The following ANGPT1 variants were observed in gnomAD, a reference collection of about 807,000 sequenced individuals.
ANGPT1 encodes angiopoietin-1.
Under a neutral mutation model 62.2 loss-of-function variants are expected in ANGPT1, and 17 were observed. The ratio of observed to expected loss-of-function variants is 0.27; its 90% confidence interval spans 0.19 to 0.41. ANGPT1 has a LOEUF of 0.41. Ranked by LOEUF, ANGPT1 falls within the 10% of genes least tolerant of loss-of-function variation. ANGPT1 has a pLI of 1.00. For synonymous variants in ANGPT1, 199 were observed against 198.9 expected, an observed-to-expected ratio of 1.00 and a Z score of 0.00; for missense variants, 478 against 594.9, an observed-to-expected ratio of 0.80 and a Z score of 2.04.
intron 1 of ANGPT1, among the ~76,000 whole-genome samples, chr8:107,382,927 G>C (rs1163658552): frequency 6.6e-6 from 1 of 152,186 alleles, no homozygotes; most frequent in African/African-American, 2.4e-5. Flanking sequence ...CAGACAATGA[G>C]TGGTTGGTTA....
intron 2 of ANGPT1, among the ~76,000 whole-genome samples, chr8:107,345,781 G>A (rs2043339): frequency 0.22 from 34,156 of 152,004 alleles, 4,635 homozygotes; most frequent in African/African-American, 0.37. Flanking sequence ...ATGTAGTTCC[G>A]TCCATCTCCC....
chr8:107,440,859 C>A (rs1811456398), intron 1 of ANGPT1, among the ~76,000 whole-genome samples: 1 of 152,066 alleles, frequency 6.6e-6, no homozygotes, highest in Non-Finnish European at 1.5e-5. Context: ...TAAAGTTGAT[C>A]CTGCCATGTC....
rs1326637768 is a variant in ANGPT1, at chr8:107,250,217, C to T, written c.*1638G>A. 6.6e-6 allele frequency: 1 copy of T among 152,100 alleles called. No individual in the cohort carries two copies. Among genetic ancestry groups the T allele is most frequent in the Non-Finnish European group, 1.5e-5 (1 of 68,004 alleles). 9.4% of individuals were successfully genotyped at this position (152,100 alleles called of 1,614,324 possible). On this transcript the variant is annotated 3_prime_UTR_variant, in exon 9 of 9. Coordinates refer to ENST00000517746, the MANE Select transcript of ANGPT1 (RefSeq NM_001146.5). ...AGTAGCTTTATTTCAATTTTCTCAT[C>T]CCATAGTGACTCATGTTTTAATAAA...
chr8:107,482,980 A>G (rs1028768742), intron 1 of ANGPT1, among the ~76,000 whole-genome samples: 6 of 152,166 alleles, frequency 3.9e-5, no homozygotes, highest in Non-Finnish European at 8.8e-5. Context: ...TTTGTATCTG[A>G]CCAGAAAAGG....
intron 7 of ANGPT1, among the ~76,000 whole-genome samples, chr8:107,275,397 C>T (rs141104114): frequency 3.2e-4 from 49 of 152,236 alleles, no homozygotes; most frequent in Non-Finnish European, 5.7e-4. Flanking sequence ...GAGCTAATCC[C>T]TCTTCTACCC....
intron 1 of ANGPT1, among the ~76,000 whole-genome samples, chr8:107,438,320 A>T (rs1811383915): frequency 6.8e-6 from 1 of 147,882 alleles, no homozygotes; most frequent in African/African-American, 2.5e-5. Flanking sequence ...CTTCTTTGTC[A>T]CCTCCATCTT....
chr8:107,451,790 A>G (rs1211069373), intron 1 of ANGPT1, among the ~76,000 whole-genome samples: 1 of 151,938 alleles, frequency 6.6e-6, no homozygotes, highest in African/African-American at 2.4e-5. Context: ...CCTGAGTATC[A>G]GGGAAACTGT....
intron 4 of ANGPT1, among the ~76,000 whole-genome samples, chr8:107,311,159 G>C (rs1049096487): frequency 6.6e-6 from 1 of 151,630 alleles, no homozygotes; most frequent in African/African-American, 2.4e-5. Flanking sequence ...ATCATTGAAA[G>C]TACGTGTGTA....
At chr8:107,387,095 A>G (rs1816745897) in intron 1 of ANGPT1, among the ~76,000 whole-genome samples, 1 of 152,138 alleles carries the variant, frequency 6.6e-6, no homozygotes, top group Non-Finnish European at 1.5e-5. Flanking sequence ...AAATGTGTGC[A>G]CAGCACTGTG....
At chr8:107,452,323 A>G (rs1439193327) in intron 1 of ANGPT1, among the ~76,000 whole-genome samples, 5 of 151,722 alleles carry the variant, frequency 3.3e-5, no homozygotes, top group Non-Finnish European at 7.4e-5. Flanking sequence ...ACCATGGACC[A>G]TCAAGCCAAA....
chr8:107,412,700 T>C (rs1810620396), intron 1 of ANGPT1, among the ~76,000 whole-genome samples: 1 of 152,088 alleles, frequency 6.6e-6, no homozygotes, highest in Non-Finnish European at 1.5e-5. Context: ...ATTGAACCAG[T>C]GAAATATACA....
At chr8:107,284,539 CCT>C in intron 7 of ANGPT1, 141 bp downstream of exon 7, 1 of 679,514 alleles carries the variant, frequency 1.5e-6, no homozygotes, top group Non-Finnish European at 2.1e-6. Flanking sequence ...CTTTTTTGTA[CCT>C]CTTTGTAATA....
At chr8:107,398,935 A>G (rs967648434) in intron 1 of ANGPT1, among the ~76,000 whole-genome samples, 1 of 152,298 alleles carries the variant, frequency 6.6e-6, no homozygotes, top group Admixed American at 6.5e-5. Flanking sequence ...TGGCTGTAGT[A>G]CTTAGCCAAA....
chr8:107,455,740 A>C (rs1282649107), intron 1 of ANGPT1, among the ~76,000 whole-genome samples: 3 of 152,090 alleles, frequency 2.0e-5, no homozygotes, highest in Admixed American at 6.6e-5. Context: ...TACCTGTGGT[A>C]AATCTCATGA....
At chr8:107,276,494 G>A (rs748097718) in intron 7 of ANGPT1, among the ~76,000 whole-genome samples, 3 of 151,938 alleles carry the variant, frequency 2.0e-5, no homozygotes, top group Non-Finnish European at 2.9e-5. Context: ...AAAAAAAAAT[G>A]AAACAAGTTT....
At chr8:107,330,893 T>G (rs1815404778) in intron 3 of ANGPT1, among the ~76,000 whole-genome samples, 1 of 151,968 alleles carries the variant, frequency 6.6e-6, no homozygotes, top group South Asian at 2.1e-4. Context: ...AAAAGGAAAA[T>G]GCTATATGCT....
At chr8:107,337,692 A>G (rs976580134) in intron 2 of ANGPT1, among the ~76,000 whole-genome samples, 5 of 152,332 alleles carry the variant, frequency 3.3e-5, no homozygotes, top group African/African-American at 1.2e-4. Context: ...TGCCAGGTCA[A>G]TATCAATGTA....
chr8:107,291,451 C>T (rs908131026), intron 6 of ANGPT1, among the ~76,000 whole-genome samples: 4 of 151,892 alleles, frequency 2.6e-5, no homozygotes, highest in South Asian at 4.2e-4. Flanking sequence ...CTTTCTCGGT[C>T]GCTAGGCTGG....
At chr8:107,392,729 G>A (rs1816858886) in intron 1 of ANGPT1, among the ~76,000 whole-genome samples, 1 of 152,030 alleles carries the variant, frequency 6.6e-6, no homozygotes, top group African/African-American at 2.4e-5. Context: ...ATATTTTAAT[G>A]GGATTTTTTG....
Sources: gnomAD v4.1 joint callset for allele counts (sites outside exome capture counted in the v4.1 genomes callset) on GRCh38, gnomAD v4.1.1 for gene constraint, MANE v1.5 for transcripts, NCBI Gene and HGNC (gene_info 2026-07-23, HGNC 2026-07-21) for gene names.